Variants in RFTN1 observed in about 807,000 individuals in gnomAD.
RFTN1 encodes raftlin, lipid raft linker 1.
Under a neutral mutation model 46.5 loss-of-function variants are expected in RFTN1, and 26 were observed. The observed-to-expected ratio is 0.56, with a 90% CI of 0.41 to 0.78. The LOEUF (loss-of-function observed/expected upper bound fraction) is 0.78, where lower values mean the gene tolerates loss of function less well. RFTN1 is among the 30% of genes least tolerant of loss of function. The pLI, the probability that RFTN1 is intolerant of heterozygous loss-of-function variation, is 0.00. For synonymous variants in RFTN1, 261 were observed against 284.2 expected, an observed-to-expected ratio of 0.92 and a Z score of 0.82; for missense variants, 693 against 718.7, an observed-to-expected ratio of 0.96 and a Z score of 0.41.
At chr3:16,417,413 T>C (rs1202966574) in intron 3 of RFTN1, among the ~76,000 whole-genome samples, 2 of 152,202 alleles carry the variant, frequency 1.3e-5, no homozygotes, top group Admixed American at 1.3e-4. Flanking sequence ...CATTAAATAA[T>C]GCTTGTCAGA....
rs528212703 is a variant in RFTN1 at position 16,459,278 on chromosome 3, A to G, written c.146-25241T>C. 1.3e-5 allele frequency among the ~76,000 whole-genome samples: 2 copies of G among 152,330 alleles called. No individual in the cohort carries two copies. Among genetic ancestry groups the G allele is most frequent in the South Asian group, 4.1e-4 (2 of 4,826 alleles). On this transcript the variant is annotated intron_variant, in intron 2 of 9. Coordinates refer to ENST00000334133, the MANE Select transcript of RFTN1 (RefSeq NM_015150.2). This position sits in a 1 kb window ranked among gnomAD's most constrained non-coding sequence, Gnocchi z 4.2. ...ATTAGTTTTAACAGAACCAGAAAGG[A>G]CTAAGTAATATCCACAATGTGTAAC...
chr3:16,366,709 AAC>A (rs1331998185), intron 6 of RFTN1, among the ~76,000 whole-genome samples: 1 of 152,222 alleles, frequency 6.6e-6, no homozygotes, highest in Admixed American at 6.5e-5. Context: ...CCACAGCTAT[AAC>A]ACAGGCATAA....
chr3:16,381,214 A>C lies in RFTN1; in HGVS notation c.442-3112T>G, dbSNP rs1274384034. ...TAAACTATGCATAAAAACAGTCACC[A>C]AAATGAAAACAGCACTGTATTTGGG... On this transcript the variant is annotated intron_variant, in intron 4 of 9. Coordinates refer to ENST00000334133, the MANE Select transcript of RFTN1 (RefSeq NM_015150.2). This position sits in a 1 kb window ranked among gnomAD's most constrained non-coding sequence, Gnocchi z 4.2. Among the ~76,000 whole-genome samples the C allele has an allele frequency of 2.0e-5, 3 of 152,254 alleles. No individual in the cohort carries two copies. The highest frequency in any genetic ancestry group is 4.4e-5 in the Non-Finnish European group (3 of 68,040).
rs1223437181 is a variant in RFTN1 at position 16,342,121 on chromosome 3, A to G, written c.1147-15245T>C. ...TTTATAATATATTCAGAGTTATACA[A>G]CCATCACCACAATCTAAGTTTAGAC... On this transcript the variant is annotated intron_variant, in intron 7 of 9. Coordinates refer to ENST00000334133, the MANE Select transcript of RFTN1 (RefSeq NM_015150.2). The surrounding 1 kb of genome is among the most constrained non-coding windows in gnomAD (Gnocchi z 4.0). 1.6e-4 allele frequency among the ~76,000 whole-genome samples: 25 copies of G among 152,214 alleles called. No homozygotes were observed. The highest frequency in any genetic ancestry group is 3.7e-4 in the Non-Finnish European group (25 of 68,036).
chr3:16,457,629 G>A lies in RFTN1; in HGVS notation c.146-23592C>T, dbSNP rs1405474579. ...AATAAAATTTTAGTTTTTTGTTTCGGTGCCTCTGATTGAAAGTGGCAAGTG... is the reference window on the plus strand; with the variant it reads ...AATAAAATTTTAGTTTTTTGTTTCGATGCCTCTGATTGAAAGTGGCAAGTG... On this transcript the variant is annotated intron_variant, in intron 2 of 9. Transcript: ENST00000334133. The surrounding 1 kb of genome is among the most constrained non-coding windows in gnomAD (Gnocchi z 4.2). 6.6e-6 allele frequency among the ~76,000 whole-genome samples: 1 copy of A among 151,990 alleles called. No individual in the cohort carries two copies. The highest frequency in any genetic ancestry group is 2.1e-4 in the South Asian group (1 of 4,824).
Position 16,465,630 on chromosome 3 carries a change from C to T in RFTN1, c.145+28095G>A, listed in dbSNP as rs1343696865. Among the ~76,000 whole-genome samples, 1 of 152,134 alleles carries T rather than the reference C, an allele frequency of 6.6e-6. No homozygotes were observed. The highest frequency in any genetic ancestry group is 2.4e-5 in the African/African-American group (1 of 41,408). ...CAATCTGATGAGTGGTGCAATTTAG[C>T]CCCCATGTCAATTACGGATGCTAAA... is the stretch of plus-strand genomic sequence containing the variant. On this transcript the variant is annotated intron_variant, in intron 2 of 9. Transcript: ENST00000334133. This position sits in a 1 kb window ranked among gnomAD's most constrained non-coding sequence, Gnocchi z 5.1.
rs933803998 is a variant in RFTN1, at chr3:16,376,798, G to A, written c.826+920C>T. Among the ~76,000 whole-genome samples, 1 of 152,172 alleles carries A rather than the reference G, an allele frequency of 6.6e-6. No homozygotes were observed. Among genetic ancestry groups the A allele is most frequent in the African/African-American group, 2.4e-5 (1 of 41,438 alleles). ...CATAATTTTCCTCTCAAGAAGTTCT[G>A]ATGTAACAAAAGAAACTGTTTCTCC... On this transcript the variant is annotated intron_variant, in intron 5 of 9. Coordinates refer to ENST00000334133, the MANE Select transcript of RFTN1 (RefSeq NM_015150.2). The surrounding 1 kb of genome is among the most constrained non-coding windows in gnomAD (Gnocchi z 4.7).
Position 16,345,786 on chromosome 3 carries a change from C to CTGTGTGTGTGTGTGTGTGTG in RFTN1, c.1146+12145_1146+12146insCACACACACACACACACACA, listed in dbSNP as rs1553726059. On this transcript the variant is annotated intron_variant, in intron 7 of 9. Transcript: ENST00000334133. The surrounding 1 kb of genome is among the most constrained non-coding windows in gnomAD (Gnocchi z 5.2). ...CATGAGCCAAAACCTTATAATAAAT[C>CTGTGTGTGTGTGTGTGTGTG]TCTGTGTGTGTGTGTGTGTGTGTGT... 6.1e-5 allele frequency among the ~76,000 whole-genome samples: 5 copies of CTGTGTGTGTGTGTGTGTGTG among 81,556 alleles called. No individual in the cohort carries two copies. Among genetic ancestry groups the CTGTGTGTGTGTGTGTGTGTG allele is most frequent in the South Asian group, 4.4e-4 (1 of 2,290 alleles). The allele number at this position is 81,556 out of a possible 152,430, so 53.5% of individuals were successfully genotyped here.
chr3:16,390,324 C>G (rs1387791360), intron 4 of RFTN1, among the ~76,000 whole-genome samples: 1 of 152,142 alleles, frequency 6.6e-6, no homozygotes, highest in Non-Finnish European at 1.5e-5. Context: ...GCAGCACACT[C>G]AAATATACAG....
chr3:16,332,157 A>G (rs977851779), intron 7 of RFTN1, among the ~76,000 whole-genome samples: 7 of 152,070 alleles, frequency 4.6e-5, no homozygotes, highest in African/African-American at 1.7e-4. Flanking sequence ...CTTGTCCTTC[A>G]GTTCTGAAAA....
At chr3:16,476,834 G>A (rs1211609537) in intron 2 of RFTN1, among the ~76,000 whole-genome samples, 1 of 152,262 alleles carries the variant, frequency 6.6e-6, no homozygotes, top group Non-Finnish European at 1.5e-5. Context: ...CTGGCATGTG[G>A]TTATTTTTCT....
chr3:16,415,508 G>C (rs1032435053), intron 3 of RFTN1, among the ~76,000 whole-genome samples: 1 of 150,918 alleles, frequency 6.6e-6, no homozygotes, highest in African/African-American at 2.4e-5. Context: ...GACTGCAGCT[G>C]GAGATATAAA....
chr3:16,377,682 T>G (rs768295459), intron 5 of RFTN1, 36 bp downstream of exon 5: 2 of 1,545,620 alleles, frequency 1.3e-6, no homozygotes, highest in Admixed American at 1.9e-5. Context: ...AGCTGCTCTT[T>G]AAGTGGGTCA....
In RFTN1 at chr3:16,426,247, A is replaced by C. The variant is rs2125479698; in HGVS notation, c.332+7604T>G. 6.6e-6 allele frequency among the ~76,000 whole-genome samples: 1 copy of C among 152,294 alleles called. No homozygotes were observed. Among genetic ancestry groups the C allele is most frequent in the South Asian group, 2.1e-4 (1 of 4,828 alleles). On this transcript the variant is annotated intron_variant, in intron 3 of 9. Transcript: ENST00000334133. This position sits in a 1 kb window ranked among gnomAD's most constrained non-coding sequence, Gnocchi z 5.9. Reference sequence around the variant, plus strand: ...GTGAACATTTTCTAGGGCACACCCCAGTAGGCGCTACCACCCCCTGTGTAT... The same window carrying C: ...GTGAACATTTTCTAGGGCACACCCCCGTAGGCGCTACCACCCCCTGTGTAT...
At chr3:16,487,931 CA>C (rs1406066062) in intron 2 of RFTN1, among the ~76,000 whole-genome samples, 1 of 152,168 alleles carries the variant, frequency 6.6e-6, no homozygotes, top group Non-Finnish European at 1.5e-5. Flanking sequence ...AAGACCCAAT[CA>C]AATCACCCAG....
At chr3:16,414,636 G>A (rs1052673103) in intron 3 of RFTN1, among the ~76,000 whole-genome samples, 1 of 151,502 alleles carries the variant, frequency 6.6e-6, no homozygotes, top group Non-Finnish European at 1.5e-5. Flanking sequence ...AAGGAAAAAA[G>A]AAACACAGCA....
rs1229652317 is a variant in RFTN1 at position 16,342,123 on chromosome 3, C to A, written c.1147-15247G>T. Among the ~76,000 whole-genome samples the A allele has an allele frequency of 6.6e-6, 1 of 152,092 alleles. No individual in the cohort carries two copies. The highest frequency in any genetic ancestry group is 1.9e-4 in the East Asian group (1 of 5,196). On this transcript the variant is annotated intron_variant, in intron 7 of 9. Transcript: ENST00000334133. The surrounding 1 kb of genome is among the most constrained non-coding windows in gnomAD (Gnocchi z 4.0). ...TATAATATATTCAGAGTTATACAAC[C>A]ATCACCACAATCTAAGTTTAGACCA...
chr3:16,334,407 C>G lies in RFTN1; in HGVS notation c.1147-7531G>C, dbSNP rs772663524. On this transcript the variant is annotated intron_variant, in intron 7 of 9. Transcript: ENST00000334133. This position sits in a 1 kb window ranked among gnomAD's most constrained non-coding sequence, Gnocchi z 4.3. ...TCCCTTTGACCCAACAATCTCACTT[C>G]TGGGAATTTAACCTACGTATTAAAA... is the stretch of plus-strand genomic sequence containing the variant. Among the ~76,000 whole-genome samples the G allele has an allele frequency of 6.6e-6, 1 of 152,184 alleles. No homozygotes were observed. The highest frequency in any genetic ancestry group is 1.5e-5 in the Non-Finnish European group (1 of 68,040).
intron 2 of RFTN1, among the ~76,000 whole-genome samples, chr3:16,435,773 T>G (rs1029797165): frequency 6.6e-6 from 1 of 152,204 alleles, no homozygotes; most frequent in South Asian, 2.1e-4. Context: ...ATAGTACATA[T>G]ACAAAATAAA....
Sources: gnomAD v4.1 joint callset for allele counts (sites outside exome capture counted in the v4.1 genomes callset) on GRCh38, gnomAD v4.1.1 for gene constraint, Gnocchi (gnomAD v3.1) non-coding constraint, MANE v1.5 for transcripts, NCBI Gene and HGNC (gene_info 2026-07-23, HGNC 2026-07-21) for gene names.